EFR3A: variants seen among roughly 807,000 people sequenced by gnomAD.
The protein encoded by EFR3A is EFR3 homolog A, also known as protein EFR3 homolog A.
A neutral mutation model predicts 104.4 loss-of-function variants in EFR3A; 76 were observed. The observed-to-expected ratio is 0.73, with a 90% CI of 0.60 to 0.88. The LOEUF (loss-of-function observed/expected upper bound fraction) is 0.88. Among genes scored for constraint, EFR3A ranks in the 40% least tolerant of loss-of-function variants. The pLI, the probability that EFR3A is intolerant of heterozygous loss-of-function variation, is 0.00. For synonymous variants in EFR3A, 330 were observed against 330.0 expected, an observed-to-expected ratio of 1.00 and a Z score of 0.00; for missense variants, 985 against 1,012.5, an observed-to-expected ratio of 0.97 and a Z score of 0.37.
chr8:131,991,439 TAG>T (rs1821177802), intron 18 of EFR3A, among the ~76,000 whole-genome samples: 1 of 152,134 alleles, frequency 6.6e-6, no homozygotes, highest in East Asian at 1.9e-4. Flanking sequence ...GGTAGAAGGA[TAG>T]AGTTTTTATT....
chr8:132,010,173 C>T (rs985423831), intron 22 of EFR3A, among the ~76,000 whole-genome samples: 2 of 151,636 alleles, frequency 1.3e-5, no homozygotes, highest in Non-Finnish European at 2.9e-5. Context: ...GTGTAAAAGG[C>T]ACAGTGAAAT....
chr8:132,009,927 A>G lies in EFR3A; in HGVS notation c.2361-863A>G, dbSNP rs1035762942. On this transcript the variant is annotated intron_variant, in intron 22 of 22. Coordinates refer to ENST00000254624, the MANE Select transcript of EFR3A (RefSeq NM_015137.6). ...AATTGGAGGAAAGCATCTGTATCAT[A>G]TGACAAAAGGTTAGTTTCCCAAATT... Among the ~76,000 whole-genome samples the G allele has an allele frequency of 3.3e-5, 5 of 152,222 alleles. No homozygotes were observed. In the South Asian group the frequency reaches 8.3e-4, roughly 25 times the overall value.
intron 6 of EFR3A, among the ~76,000 whole-genome samples, chr8:131,955,324 T>C (rs1818921672): frequency 6.6e-6 from 1 of 152,204 alleles, no homozygotes; most frequent in Non-Finnish European, 1.5e-5. Context: ...GACAGCTACG[T>C]ATACAGATAT....
Position 131,979,357 on chromosome 8 carries a change from A to T in EFR3A, c.1511A>T (p.Asp504Val), listed in dbSNP as rs200277187. Residue 504 changes from aspartate to valine, a missense_variant, in exon 14 of 23, where the codon GAT becomes GTT. Coordinates refer to ENST00000254624, the MANE Select transcript of EFR3A (RefSeq NM_015137.6). The part of the protein sequence containing the change: ...AKLRGIRIIP[D>V]VADLKIKREK... ...TTGATCGTCTCTAGAATAATACCGGATGTAGCTGACCTAAAGATAAAAAGA... is the reference window on the plus strand; with the variant it reads ...TTGATCGTCTCTAGAATAATACCGGTTGTAGCTGACCTAAAGATAAAAAGA... The T allele has an allele frequency of 5.9e-5, 92 of 1,563,828 alleles. No individual in the cohort carries two copies. The highest frequency in any genetic ancestry group is 7.5e-5 in the Non-Finnish European group (87 of 1,152,338).
intron 2 of EFR3A, among the ~76,000 whole-genome samples, chr8:131,941,641 A>G (rs1482449585): frequency 1.3e-5 from 2 of 152,132 alleles, no homozygotes; most frequent in Non-Finnish European, 2.9e-5. Context: ...ATTACAGTGC[A>G]TAAATCAGTA....
chr8:131,946,818 TG>T (rs1390966033), intron 4 of EFR3A, among the ~76,000 whole-genome samples, 185 bp downstream of exon 4: 1 of 152,084 alleles, frequency 6.6e-6, no homozygotes, highest in African/African-American at 2.4e-5. Context: ...GTGAAATCTG[TG>T]GTATTAACTA....
chr8:131,921,921 T>G (rs1033469039), intron 1 of EFR3A, among the ~76,000 whole-genome samples: 5 of 152,150 alleles, frequency 3.3e-5, no homozygotes, highest in Non-Finnish European at 7.4e-5. Flanking sequence ...GTGTATTAGT[T>G]TTCTAGGGCT....
intron 1 of EFR3A, among the ~76,000 whole-genome samples, chr8:131,932,314 G>T (rs905041046): frequency 6.6e-6 from 1 of 152,038 alleles, no homozygotes; most frequent in Non-Finnish European, 1.5e-5. Context: ...CTTTTAAAAT[G>T]GTTTAGAAAT....
chr8:131,997,210 T>C (rs1821540778), intron 19 of EFR3A, among the ~76,000 whole-genome samples: 1 of 152,136 alleles, frequency 6.6e-6, no homozygotes. Flanking sequence ...AATGCCAGCA[T>C]GTCAAGTCAA....
At chr8:131,913,762 T>TTACA (rs1375299032) in intron 1 of EFR3A, among the ~76,000 whole-genome samples, 2 of 152,154 alleles carry the variant, frequency 1.3e-5, no homozygotes, top group African/African-American at 4.8e-5. Context: ...CTTGATGTGG[T>TTACA]TACAGTTAAC....
intron 1 of EFR3A, among the ~76,000 whole-genome samples, chr8:131,908,456 C>G (rs866654493): frequency 3.3e-5 from 5 of 152,158 alleles, no homozygotes; most frequent in Non-Finnish European, 7.3e-5. Flanking sequence ...TTTATGAAGA[C>G]TTACAGTTTG....
At chr8:131,927,880 C>G (rs1040878140) in intron 1 of EFR3A, among the ~76,000 whole-genome samples, 1 of 152,038 alleles carries the variant, frequency 6.6e-6, no homozygotes, top group African/African-American at 2.4e-5. Flanking sequence ...TACCCGGAAA[C>G]AAGTTAAAGA....
At chr8:131,988,785 C>G (rs964746256) in intron 18 of EFR3A, among the ~76,000 whole-genome samples, 1 of 152,180 alleles carries the variant, frequency 6.6e-6, no homozygotes. Flanking sequence ...CTTACCTGTC[C>G]TCTAGGAAAA....
At chr8:131,965,283 T>TAC (rs1819637485) in intron 8 of EFR3A, among the ~76,000 whole-genome samples, 2 of 152,184 alleles carry the variant, frequency 1.3e-5, no homozygotes, top group East Asian at 3.9e-4. Flanking sequence ...ACAGGCAACC[T>TAC]ACAGAATGGG....
Position 131,970,765 on chromosome 8 carries a change from A to G in EFR3A, c.1159+122A>G, listed in dbSNP as rs1820009011. Reference sequence around the variant, plus strand: ...TGAATGATAGCTTAAATTTCTGAAAATTTAATTTTCGAAAACAAGCAAGCA... The same window carrying G: ...TGAATGATAGCTTAAATTTCTGAAAGTTTAATTTTCGAAAACAAGCAAGCA... On this transcript the variant is annotated intron_variant, in intron 10 of 22. Coordinates refer to ENST00000254624, the MANE Select transcript of EFR3A (RefSeq NM_015137.6). 3 of 1,036,480 alleles carry G rather than the reference A, an allele frequency of 2.9e-6. No homozygotes were observed. The South Asian group carries it at 5.5e-5, about 19-fold the overall frequency. The allele number at this position is 1,036,480 out of a possible 1,614,324, so 64.2% of individuals were successfully genotyped here.
intron 8 of EFR3A, among the ~76,000 whole-genome samples, chr8:131,960,603 G>A (rs1819262121): frequency 6.6e-6 from 1 of 152,082 alleles, no homozygotes; most frequent in South Asian, 2.1e-4. Context: ...GAGTGTTTTA[G>A]TTACCATTTA....
At chr8:131,940,927 GAGA>G (rs1244206446) in intron 2 of EFR3A, among the ~76,000 whole-genome samples, 1 of 152,040 alleles carries the variant, frequency 6.6e-6, no homozygotes, top group African/African-American at 2.4e-5. Flanking sequence ...TGTGAACAGA[GAGA>G]AGGTTTTCTG....
chr8:131,931,801 T>C lies in EFR3A; in HGVS notation c.11-8698T>C, dbSNP rs1421362130. ...TTTTACTGGTCTTCTATGTTTCTTT[T>C]TGTCTTCATCTTTTTCTGCCCTGAC... On this transcript the variant is annotated intron_variant, in intron 1 of 22. Coordinates refer to ENST00000254624, the MANE Select transcript of EFR3A (RefSeq NM_015137.6). Among the ~76,000 whole-genome samples, 4 of 152,090 alleles carry C rather than the reference T, an allele frequency of 2.6e-5. No homozygotes were observed. In the South Asian group the frequency reaches 6.2e-4, roughly 24 times the overall value.
Position 131,987,609 on chromosome 8 carries a change from T to G in EFR3A, c.1972T>G (p.Leu658Val), listed in dbSNP as rs775819177. ...ATCTTTAGAGAAGCATGAAAAAGAT[T>G]TGTACTTTCTGACCAACAAGATTGC... ...PKSLEKHEKD[L>V]YFLTNKIAES... Residue 658 changes from leucine (L) to valine (V), a missense_variant, in exon 18 of 23, where the codon TTG becomes GTG. Coordinates refer to ENST00000254624, the MANE Select transcript of EFR3A (RefSeq NM_015137.6). 4 of 1,597,610 alleles carry G rather than the reference T, an allele frequency of 2.5e-6. No homozygotes were observed. The South Asian group carries it at 4.5e-5, about 18-fold the overall frequency.
Sources: gnomAD v4.1 joint callset for allele counts (sites outside exome capture counted in the v4.1 genomes callset) on GRCh38, gnomAD v4.1.1 for gene constraint, MANE v1.5 for transcripts, NCBI Gene and HGNC (gene_info 2026-07-23, HGNC 2026-07-21) for gene names.